GPC6: variants seen among roughly 807,000 people sequenced by gnomAD.
The protein encoded by GPC6 is glypican-6.
In GPC6, 14 loss-of-function variants were observed where a neutral mutation model predicts 55.2. That is an observed-to-expected ratio of 0.25 (90% confidence interval 0.17 to 0.40). The LOEUF is 0.40. Among genes scored for constraint, GPC6 ranks in the 10% least tolerant of loss-of-function variants. The probability of loss-of-function intolerance (pLI) is 1.00; values close to 1 mark genes in which losing one functional copy is unlikely to be tolerated. For synonymous variants in GPC6, 278 were observed against 259.6 expected (o/e 1.07, Z -0.68); for missense variants, 641 against 708.5 (o/e 0.90, Z 1.08).
chr13:93,452,853 G>T (rs914629340), intron 1 of GPC6, among the ~76,000 whole-genome samples: 2 of 152,100 alleles, frequency 1.3e-5, no homozygotes, highest in African/African-American at 2.4e-5. Context: ...AAGCATTGGT[G>T]TATATTACAT....
intron 1 of GPC6, among the ~76,000 whole-genome samples, chr13:93,343,227 A>T (rs995715039): frequency 6.6e-6 from 1 of 151,540 alleles, no homozygotes; most frequent in Non-Finnish European, 1.5e-5. Flanking sequence ...GTTCATTTAC[A>T]TAACCCGGAA....
chr13:93,917,659 A>C (rs1291614077), intron 3 of GPC6, among the ~76,000 whole-genome samples: 1 of 152,160 alleles, frequency 6.6e-6, no homozygotes, highest in Non-Finnish European at 1.5e-5. Flanking sequence ...ACTTTGCTTC[A>C]GACCTACACA....
At chr13:93,896,247 C>G (rs968841421) in intron 3 of GPC6, among the ~76,000 whole-genome samples, 4 of 151,986 alleles carry the variant, frequency 2.6e-5, no homozygotes, top group African/African-American at 9.7e-5. Context: ...TCCCATTAAA[C>G]TTATGAAACA....
At chr13:93,889,942 A>T (rs1212141131) in intron 3 of GPC6, among the ~76,000 whole-genome samples, 1 of 152,116 alleles carries the variant, frequency 6.6e-6, no homozygotes. Context: ...ATTCATAAAG[A>T]TACATACCAT....
intron 4 of GPC6, among the ~76,000 whole-genome samples, chr13:94,249,747 AG>A (rs1195560424): frequency 1.3e-5 from 2 of 152,186 alleles, no homozygotes; most frequent in African/African-American, 2.4e-5. Context: ...AAACAGGAGT[AG>A]TGAAAGTGAC....
chr13:93,407,462 G>A (rs1447437989), intron 1 of GPC6, among the ~76,000 whole-genome samples: 1 of 151,984 alleles, frequency 6.6e-6, no homozygotes, highest in Non-Finnish European at 1.5e-5. Flanking sequence ...TTATGATAAA[G>A]TATCCAATGT....
At chr13:93,529,113 C>G (rs1043436945) in intron 1 of GPC6, among the ~76,000 whole-genome samples, 3 of 152,068 alleles carry the variant, frequency 2.0e-5, no homozygotes, top group African/African-American at 7.2e-5. Flanking sequence ...CATCCCAGTG[C>G]ATATACAATA....
rs193162243 is a variant in GPC6, at chr13:93,388,157, A to G, written c.161-157106A>G. The stretch of plus-strand genomic sequence containing the variant: ...GCCAATACATACAGGTGTCAGCAAG[A>G]TAACTGCTATTTAAACCTAGGGCTT... On this transcript the variant is annotated intron_variant, in intron 1 of 8. Transcript: ENST00000377047. 1.8e-4 allele frequency among the ~76,000 whole-genome samples: 28 copies of G among 152,302 alleles called. No individual in the cohort carries two copies. The East Asian group carries it at 5.2e-3, about 28-fold the overall frequency.
intron 3 of GPC6, among the ~76,000 whole-genome samples, chr13:93,898,011 T>TG (rs1289039824): frequency 2.6e-5 from 4 of 152,128 alleles, no homozygotes; most frequent in Non-Finnish European, 5.9e-5. Context: ...AGATGGCAGC[T>TG]GGGGGAGGTT....
chr13:93,880,335 A>T (rs1444438015), intron 3 of GPC6, among the ~76,000 whole-genome samples: 1 of 152,144 alleles, frequency 6.6e-6, no homozygotes, highest in Non-Finnish European at 1.5e-5. Context: ...ATAATGATAG[A>T]CTGGATTAAG....
At chr13:93,493,519 T>G (rs1880120681) in intron 1 of GPC6, among the ~76,000 whole-genome samples, 1 of 119,508 alleles carries the variant, frequency 8.4e-6, no homozygotes, top group East Asian at 3.7e-4. Flanking sequence ...TGTCTCTATT[T>G]CCTTCAGTTC....
At chr13:93,237,115 A>G (rs1244703291) in intron 1 of GPC6, among the ~76,000 whole-genome samples, 1 of 152,156 alleles carries the variant, frequency 6.6e-6, no homozygotes, top group African/African-American at 2.4e-5. Context: ...TGAATGGTAG[A>G]TCTACTTTTA....
chr13:93,716,101 G>A (rs1377552090), intron 2 of GPC6, among the ~76,000 whole-genome samples: 3 of 151,496 alleles, frequency 2.0e-5, no homozygotes, highest in East Asian at 1.9e-4. Context: ...TGGTGCTGGC[G>A]TAAACAAACT....
intron 1 of GPC6, among the ~76,000 whole-genome samples, chr13:93,308,380 C>A: frequency 6.6e-6 from 1 of 152,318 alleles, no homozygotes; most frequent in Non-Finnish European, 1.5e-5. Flanking sequence ...TGGTGCATAG[C>A]AAGTCCTCTG....
intron 3 of GPC6, among the ~76,000 whole-genome samples, chr13:93,978,630 A>T (rs1436223095): frequency 1.3e-5 from 2 of 151,846 alleles, no homozygotes; most frequent in African/African-American, 4.8e-5. Flanking sequence ...GTCAATTTCT[A>T]CTCTTCCTCC....
chr13:93,601,792 G>C (rs1342181393), intron 2 of GPC6, among the ~76,000 whole-genome samples: 2 of 152,224 alleles, frequency 1.3e-5, no homozygotes, highest in Admixed American at 1.3e-4. Context: ...TTTTGAGAGA[G>C]AAGTCTCCTC....
chr13:93,783,202 T>C (rs1346267050), intron 2 of GPC6, among the ~76,000 whole-genome samples: 1 of 152,212 alleles, frequency 6.6e-6, no homozygotes, highest in East Asian at 1.9e-4. Context: ...CACATTTTTA[T>C]TTTTATCCAA....
chr13:93,411,495 C>T (rs146831625), intron 1 of GPC6, among the ~76,000 whole-genome samples: 585 of 152,204 alleles, frequency 3.8e-3, no homozygotes, highest in Middle Eastern at 6.8e-3. Flanking sequence ...GACATAAGTG[C>T]GCAGATAAGA....
chr13:93,665,623 G>A (rs1881099197), intron 2 of GPC6, among the ~76,000 whole-genome samples: 1 of 152,128 alleles, frequency 6.6e-6, no homozygotes. Flanking sequence ...AAGAAATATT[G>A]TCTTATAGTA....
Sources: allele counts gnomAD v4.1 joint callset (sites outside exome capture counted in the v4.1 genomes callset), GRCh38; gene constraint gnomAD v4.1.1; transcripts MANE v1.5; gene names NCBI Gene and HGNC (gene_info 2026-07-23, HGNC 2026-07-21).